SLC2A14: variants seen among roughly 807,000 people sequenced by gnomAD.
SLC2A14 encodes the protein solute carrier family 2 member 14, also known as solute carrier family 2, facilitated glucose transporter member 14.
SLC2A14 carries 13 observed loss-of-function variants against 43.0 expected under a neutral mutation model. The ratio of observed to expected loss-of-function variants is 0.30; its 90% CI spans 0.20 to 0.48. The LOEUF (loss-of-function observed/expected upper bound fraction) is 0.48, where lower values mean the gene tolerates loss of function less well. Ranked by LOEUF, SLC2A14 falls within the 20% of genes least tolerant of loss-of-function variation. The pLI is 0.99. For synonymous variants in SLC2A14, 190 were observed against 233.8 expected (o/e 0.81, Z 1.71); for missense variants, 428 against 620.4 (o/e 0.69, Z 3.29).
At chr12:7,877,836 G>A (rs145124625), upstream of SLC2A14, among the ~76,000 whole-genome samples, 874 of 152,116 alleles carry the variant, frequency 5.7e-3, 5 homozygotes, top group African/African-American at 0.02. Flanking sequence ...TCCACCTCCC[G>A]GGTTCAAGCA....
At chr12:7,863,309 C>T (rs1944705117) in intron 2 of SLC2A14, 4 of 448,978 alleles carry the variant, frequency 8.9e-6, no homozygotes, top group Admixed American at 4.8e-5. Flanking sequence ...ACTCCGAACG[C>T]ATCTGAACAT....
rs1863888732 is a variant in SLC2A14, at chr12:7,821,294, T to A, written c.896A>T (p.Asp299Val). ...ATAGATGGGCTGTTGAACACCTGCATCCTTGAAGATTCCTGTTGAGTAATA... is the reference window on the plus strand; with the variant it reads ...ATAGATGGGCTGTTGAACACCTGCAACCTTGAAGATTCCTGTTGAGTAATA... The part of the protein sequence containing the change: ...VFYYSTGIFK[D>V]AGVQQPIYAT... Residue 299 changes from aspartate (D) to valine (V), a missense_variant, in exon 8 of 11, where the codon GAT becomes GTT. By Grantham distance (152) the Asp-to-Val change is radical. Around this residue, in one of 4 missense-constraint regions of SLC2A14, gnomAD observed 185 missense variants for 275.4 expected, o/e 0.67. Coordinates refer to ENST00000431042, the MANE Select transcript of SLC2A14 (RefSeq NM_001286234.2). 6.2e-7 allele frequency: 1 copy of A among 1,613,746 alleles called. No homozygotes were observed.
rs3040795 is a variant in SLC2A14 at position 7,817,745 on chromosome 12, T to TAG, written c.1275+85_1275+86insCT. 117 of 1,224,358 alleles carry TAG rather than the reference T, an allele frequency of 9.6e-5. 3 individuals carry two copies. The African/African-American group carries it at 1.3e-3, about 14-fold the overall frequency. The allele number at this position is 1,224,358 out of a possible 1,614,324, so 75.8% of individuals were successfully genotyped here. A position where few individuals can be genotyped will look rare whatever the true frequency, so the allele number is the denominator to read the frequency against. ...GGCGAGACTCAGTCTCAAAAATATA[T>TAG]ATATATATAGATAGATAGATAGATA... On this transcript the variant is annotated intron_variant, in intron 10 of 10. Coordinates refer to ENST00000431042, the MANE Select transcript of SLC2A14 (RefSeq NM_001286234.2).
chr12:7,856,141 T>G (rs989669943), intron 2 of SLC2A14: 5 of 152,206 alleles, frequency 3.3e-5, no homozygotes, highest in Non-Finnish European at 5.9e-5. Flanking sequence ...TTTTGTTTCC[T>G]AAAACTGGTT....
intron 2 of SLC2A14, among the ~76,000 whole-genome samples, chr12:7,866,771 C>T (rs943316870): frequency 6.6e-6 from 1 of 152,092 alleles, no homozygotes; most frequent in African/African-American, 2.4e-5. Context: ...GAAGCTGTCC[C>T]TATAACTTAA....
intron 1 of SLC2A14, among the ~76,000 whole-genome samples, chr12:7,890,201 G>T (rs186051819): frequency 1.3e-5 from 2 of 152,102 alleles, no homozygotes; most frequent in Admixed American, 1.3e-4. Context: ...AGTCGTTCTG[G>T]TTCACACAGC....
At chr12:7,827,350 A>C in intron 7 of SLC2A14, 145 bp downstream of exon 7, 1 of 1,143,010 alleles carries the variant, frequency 8.7e-7, no homozygotes, top group Non-Finnish European at 1.2e-6. Context: ...ATCTCAGCTC[A>C]CTGCAACCTT....
chr12:7,827,397 T>C (rs1342894335), intron 7 of SLC2A14, 98 bp downstream of exon 7: 20 of 1,413,286 alleles, frequency 1.4e-5, no homozygotes, highest in Non-Finnish European at 5.6e-6. Flanking sequence ...TGCCTCAGCC[T>C]CCTGAGTAGC....
intron 1 of SLC2A14, among the ~76,000 whole-genome samples, chr12:7,879,799 G>T (rs1281966023): frequency 1.3e-5 from 2 of 152,140 alleles, no homozygotes; most frequent in Non-Finnish European, 2.9e-5. Flanking sequence ...GAGCCCAAGA[G>T]TTCAAGACCA....
At chr12:7,870,613 T>C (rs1945171205) in intron 1 of SLC2A14, among the ~76,000 whole-genome samples, 1 of 151,976 alleles carries the variant, frequency 6.6e-6, no homozygotes, top group South Asian at 2.1e-4. Context: ...ACATCCTCCT[T>C]ATTTCATTTT....
intron 5 of SLC2A14, among the ~76,000 whole-genome samples, chr12:7,829,554 C>CAA (rs36068117): frequency 0.012 from 1,742 of 144,046 alleles, 34 homozygotes; most frequent in African/African-American, 0.041. Flanking sequence ...AACTCCCTCT[C>CAA]AAAAAAAAAA....
At chr12:7,832,414 A>G (rs1865116189) in intron 3 of SLC2A14, among the ~76,000 whole-genome samples, 1 of 152,088 alleles carries the variant, frequency 6.6e-6, no homozygotes, top group South Asian at 2.1e-4. Flanking sequence ...TAAGGAGTAA[A>G]TGACCTTTTT....
In SLC2A14 at chr12:7,832,763, G is replaced by C. The variant is rs891523975; in HGVS notation, c.70C>G (p.Gln24Glu). ...ATGACCCCAGTGTTGTAGCCAAACT[G>C]GAAAGAGCCGATTGTAGCAACTGTG... is the stretch of plus-strand genomic sequence containing the variant. ...AITVATIGSF[Q>E]FGYNTGVINA... Residue 24 changes from glutamine (Q) to glutamate (E), a missense_variant, in exon 3 of 11, where the codon CAG (glutamine) becomes GAG (glutamate). Physicochemically the swap from Gln to Glu is conservative, Grantham distance 29. This residue lies in a region of SLC2A14 where 122 missense variants were observed against 128.8 expected (regional missense o/e 0.95). Coordinates refer to ENST00000431042, the MANE Select transcript of SLC2A14 (RefSeq NM_001286234.2). The C allele has an allele frequency of 5.0e-6, 8 of 1,614,194 alleles. No individual in the cohort carries two copies. Among genetic ancestry groups the C allele is most frequent in the Non-Finnish European group, 6.8e-6 (8 of 1,180,026 alleles).
intron 2 of SLC2A14, among the ~76,000 whole-genome samples, chr12:7,841,352 CCACGTTTAAGCGATT>C (rs1390073213): frequency 6.6e-6 from 1 of 152,114 alleles, no homozygotes; most frequent in Non-Finnish European, 1.5e-5. Context: ...CCTCCACCTC[CCACGTTTAAGCGATT>C]CTCCTGCCTC....
intron 1 of SLC2A14, among the ~76,000 whole-genome samples, chr12:7,883,470 G>C (rs1945627492): frequency 2.0e-5 from 3 of 150,104 alleles, no homozygotes; most frequent in Non-Finnish European, 4.4e-5. Flanking sequence ...GTTTCACCAT[G>C]TTAGCCAGGA....
chr12:7,849,358 G>C (rs1457551342), intron 2 of SLC2A14, among the ~76,000 whole-genome samples: 2 of 151,916 alleles, frequency 1.3e-5, no homozygotes, highest in Non-Finnish European at 2.9e-5. Flanking sequence ...CAAATAATTA[G>C]CCAGGTGTGG....
intron 2 of SLC2A14, among the ~76,000 whole-genome samples, chr12:7,840,585 C>T (rs1041065095): frequency 1.3e-5 from 2 of 152,048 alleles, no homozygotes; most frequent in African/African-American, 4.8e-5. Flanking sequence ...AGGGTTTCAC[C>T]ATGTTGGTCA....
intron 2 of SLC2A14, among the ~76,000 whole-genome samples, chr12:7,834,481 C>T (rs894367305): frequency 1.3e-5 from 2 of 149,674 alleles, no homozygotes; most frequent in South Asian, 4.2e-4. Flanking sequence ...TTGAGCCTAG[C>T]AGTTTGAGAG....
chr12:7,883,129 A>G (rs1353989855), intron 1 of SLC2A14, among the ~76,000 whole-genome samples: 1 of 151,908 alleles, frequency 6.6e-6, no homozygotes, highest in African/African-American at 2.4e-5. Context: ...GAATCGCTGG[A>G]ACCCAGAAGT....
Sources: gnomAD v4.1 joint callset for allele counts (sites outside exome capture counted in the v4.1 genomes callset) on GRCh38, gnomAD v4.1.1 for gene constraint, gnomAD v4.1.1 regional missense constraint, MANE v1.5 for transcripts, NCBI Gene and HGNC (gene_info 2026-07-23, HGNC 2026-07-21) for gene names.